PTPRD: variants seen among roughly 807,000 people sequenced by gnomAD.
PTPRD encodes receptor-type tyrosine-protein phosphatase delta.
Under a neutral mutation model 214.5 loss-of-function variants are expected in PTPRD, and 34 were observed. The observed-to-expected ratio is 0.16, with a 90% CI of 0.12 to 0.21. PTPRD has a LOEUF of 0.21. Ranked by LOEUF, PTPRD falls within the 10% of genes least tolerant of loss-of-function variation. PTPRD has a pLI of 1.00. For synonymous variants in PTPRD, 1,128 were observed against 845.7 expected (o/e 1.33, Z -5.79); for missense variants, 2,545 against 2,398.7 (o/e 1.06, Z -1.27).
intron 3 of PTPRD, among the ~76,000 whole-genome samples, chr9:10,200,396 G>A (rs986233950): frequency 3.3e-5 from 5 of 152,090 alleles, no homozygotes; most frequent in African/African-American, 1.2e-4. Flanking sequence ...GAAGGAAGAT[G>A]CTATTGACAG....
chr9:9,697,287 A>T (rs992376853), intron 7 of PTPRD, among the ~76,000 whole-genome samples: 7 of 152,038 alleles, frequency 4.6e-5, no homozygotes, highest in African/African-American at 1.7e-4. Flanking sequence ...AATAACTTCA[A>T]ATGTTTTCTC....
intron 2 of PTPRD, among the ~76,000 whole-genome samples, chr9:10,401,804 C>G (rs1244179514): frequency 6.6e-6 from 1 of 150,504 alleles, no homozygotes; most frequent in African/African-American, 2.4e-5. Flanking sequence ...TGTGTCCTAC[C>G]CCCATAACAG....
At chr9:8,754,550 A>C (rs1180781746) in intron 11 of PTPRD, among the ~76,000 whole-genome samples, 2 of 152,230 alleles carry the variant, frequency 1.3e-5, no homozygotes, top group Non-Finnish European at 2.9e-5. Context: ...GGGTATCTGC[A>C]TGAAGAAAAA....
chr9:8,403,285 C>T (rs1338323236), intron 36 of PTPRD, among the ~76,000 whole-genome samples: 3 of 152,128 alleles, frequency 2.0e-5, no homozygotes, highest in African/African-American at 7.2e-5. Flanking sequence ...ACTATAAAGT[C>T]CTTAAAATAA....
At chr9:10,426,646 A>C (rs2098621492) in intron 2 of PTPRD, among the ~76,000 whole-genome samples, 1 of 152,228 alleles carries the variant, frequency 6.6e-6, no homozygotes, top group Admixed American at 6.6e-5. Flanking sequence ...CTGCAGAAAC[A>C]ACTGCAGAAT....
intron 11 of PTPRD, among the ~76,000 whole-genome samples, chr9:9,014,207 T>G: frequency 6.6e-6 from 1 of 151,620 alleles, no homozygotes; most frequent in East Asian, 1.9e-4. Flanking sequence ...TTGTTTTTTT[T>G]TTTTTTCTGG....
chr9:10,540,240 C>T (rs971475931), intron 2 of PTPRD, among the ~76,000 whole-genome samples: 11 of 152,116 alleles, frequency 7.2e-5, no homozygotes, highest in Non-Finnish European at 1.6e-4. Context: ...GCTGGCCAGA[C>T]TGGTCTCAAA....
chr9:10,185,454 T>C (rs1467499326), intron 3 of PTPRD, among the ~76,000 whole-genome samples: 1 of 152,190 alleles, frequency 6.6e-6, no homozygotes, highest in Admixed American at 6.5e-5. Context: ...TTTATATCTT[T>C]CCTCCTTTGT....
intron 11 of PTPRD, among the ~76,000 whole-genome samples, chr9:8,837,947 T>C (rs1026251336): frequency 6.6e-6 from 1 of 152,346 alleles, no homozygotes; most frequent in Non-Finnish European, 1.5e-5. Context: ...TGCCCACTTC[T>C]TAGAACATGA....
In PTPRD at chr9:8,972,479, T is replaced by G. The variant is rs182475749; in HGVS notation, c.-104+46218A>C. Among the ~76,000 whole-genome samples the G allele has an allele frequency of 3.7e-3, 555 of 150,788 alleles. 2 individuals are homozygous for G. Among genetic ancestry groups the G allele is most frequent in the Admixed American group, 8.4e-3 (127 of 15,058 alleles). ...AGAATACATTTACAATTAGGAAGAATTAGTGTAGAAGAAAAAGAAGAAAGG... is the reference window on the plus strand; with the variant it reads ...AGAATACATTTACAATTAGGAAGAAGTAGTGTAGAAGAAAAAGAAGAAAGG... On this transcript the variant is annotated intron_variant, in intron 11 of 45. Coordinates refer to ENST00000381196, the MANE Select transcript of PTPRD (RefSeq NM_002839.4).
chr9:10,066,398 A>G (rs2097885631), intron 3 of PTPRD, among the ~76,000 whole-genome samples: 2 of 151,790 alleles, frequency 1.3e-5, no homozygotes, highest in African/African-American at 2.4e-5. Flanking sequence ...CCCTTTAACC[A>G]CTTCACTAAT....
At chr9:10,343,770 T>TG (rs928202783) in intron 2 of PTPRD, among the ~76,000 whole-genome samples, 1 of 152,132 alleles carries the variant, frequency 6.6e-6, no homozygotes, top group African/African-American at 2.4e-5. Context: ...GCTGCATAAA[T>TG]GTCTTCTTTT....
chr9:9,553,028 T>C (rs1385184604), intron 8 of PTPRD, among the ~76,000 whole-genome samples: 1 of 152,068 alleles, frequency 6.6e-6, no homozygotes, highest in Non-Finnish European at 1.5e-5. Context: ...CATATTTACA[T>C]TGTGATAGTA....
intron 4 of PTPRD, among the ~76,000 whole-genome samples, chr9:10,002,644 C>T (rs1396542231): frequency 6.7e-6 from 1 of 149,906 alleles, no homozygotes; most frequent in Non-Finnish European, 1.5e-5. Context: ...GACATAAGAA[C>T]TGTAAACACA....
At chr9:8,835,644 C>T (rs948587215) in intron 11 of PTPRD, among the ~76,000 whole-genome samples, 4 of 152,298 alleles carry the variant, frequency 2.6e-5, no homozygotes, top group African/African-American at 9.6e-5. Flanking sequence ...ATCCTCCCAC[C>T]TCAGCCTCCT....
At chr9:8,454,602 T>G in intron 33 of PTPRD, 1 of 1,612,818 alleles carries the variant, frequency 6.2e-7, no homozygotes, top group East Asian at 2.2e-5. Flanking sequence ...CTGCTCCATT[T>G]TAATGCAGCA....
Position 8,500,995 on chromosome 9 carries a change from A to C in PTPRD, c.1887T>G (p.Ser629Arg), listed in dbSNP as rs2097392477. ...TSPSSTSILV[S>R]WQPPPVEKQN... ...GTTTTTCCACTGGTGGAGGTTGCCA[A>C]CTTACCAAAATACTAGTGGAACTTG... Residue 629 changes from serine to arginine, a missense_variant, in exon 24 of 46, where the codon AGT (serine) becomes AGG (arginine). Ser to Arg is a moderately radical substitution (Grantham distance 110). Transcript: ENST00000381196. 1 of 1,614,162 alleles carries C rather than the reference A, an allele frequency of 6.2e-7. No individual in the cohort carries two copies. Among genetic ancestry groups the C allele is most frequent in the African/African-American group, 1.3e-5 (1 of 75,060 alleles).
chr9:9,433,377 G>A (rs908001522), intron 8 of PTPRD, among the ~76,000 whole-genome samples: 1 of 152,102 alleles, frequency 6.6e-6, no homozygotes, highest in Non-Finnish European at 1.5e-5. Context: ...AATGAGTATT[G>A]CAGAAACCAT....
chr9:9,948,205 C>G (rs868863067), intron 4 of PTPRD, among the ~76,000 whole-genome samples: 3 of 152,052 alleles, frequency 2.0e-5, no homozygotes, highest in Non-Finnish European at 4.4e-5. Context: ...ATGAGGCTAT[C>G]CTCCTAAAGC....
Sources: allele counts gnomAD v4.1 joint callset (sites outside exome capture counted in the v4.1 genomes callset), GRCh38; gene constraint gnomAD v4.1.1; transcripts MANE v1.5; gene names NCBI Gene and HGNC (gene_info 2026-07-23, HGNC 2026-07-21).